The following USPL1 variants were observed in gnomAD, a reference collection of about 807,000 sequenced individuals.
USPL1 encodes the protein ubiquitin specific peptidase like 1.
Under a neutral mutation model 51.5 loss-of-function variants are expected in USPL1, and 27 were observed. The ratio of observed to expected loss-of-function variants is 0.52; its 90% CI spans 0.39 to 0.72. The LOEUF (loss-of-function observed/expected upper bound fraction) is 0.72, where lower values mean the gene tolerates loss of function less well. USPL1 is among the 30% of genes least tolerant of loss of function. The pLI, the probability that USPL1 is intolerant of heterozygous loss-of-function variation, is 0.00. For synonymous variants in USPL1, 451 were observed against 459.6 expected, an observed-to-expected ratio of 0.98 and a Z score of 0.24; for missense variants, 1,226 against 1,268.0, an observed-to-expected ratio of 0.97 and a Z score of 0.50.
intron 8 of USPL1, among the ~76,000 whole-genome samples, chr13:30,653,736 ATAAT>A (rs1244730710): frequency 1.3e-5 from 2 of 152,238 alleles, no homozygotes; most frequent in African/African-American, 2.4e-5. Flanking sequence ...CTTTATTTAA[ATAAT>A]TAAACTTCTT....
At chr13:30,635,008 T>C (rs1163399831) in intron 4 of USPL1, among the ~76,000 whole-genome samples, 3 of 152,200 alleles carry the variant, frequency 2.0e-5, no homozygotes, top group African/African-American at 7.2e-5. Context: ...TTGTATCTTA[T>C]CCCTATTTGT....
chr13:30,621,817 G>A lies in USPL1; in HGVS notation c.153G>A (p.Glu51=). 6.3e-7 allele frequency: 1 copy of A among 1,588,736 alleles called. No homozygotes were observed. The highest frequency in any genetic ancestry group is 1.7e-4 in the Middle Eastern group (1 of 5,854). Residue 51 remains glutamate, a synonymous_variant, in exon 3 of 9, where the codon GAG becomes GAA. Coordinates refer to ENST00000255304, the MANE Select transcript of USPL1 (RefSeq NM_005800.5). ...ATGAGTATTGCCCTGCTTGTAGAGA[G>A]AAGGGAAAGTTAAAAGCCTTAAAGA... ...PSDEYCPACR[E]KGKLKALKTY...
In USPL1 at chr13:30,633,397, G is replaced by A. The variant is rs553914759; in HGVS notation, c.868+1923G>A. ...TGGAAGGTATCCCTCTCAGATAATG[G>A]GGGATGGATGGTACTGAACCCTGTA... On this transcript the variant is annotated intron_variant, in intron 4 of 8. Coordinates refer to ENST00000255304, the MANE Select transcript of USPL1 (RefSeq NM_005800.5). Among the ~76,000 whole-genome samples the A allele has an allele frequency of 5.9e-5, 9 of 152,180 alleles. No homozygotes were observed. In the South Asian group the frequency reaches 1.2e-3, roughly 21 times the overall value.
chr13:30,632,175 C>G (rs547841568), intron 4 of USPL1, among the ~76,000 whole-genome samples: 1 of 151,968 alleles, frequency 6.6e-6, no homozygotes, highest in East Asian at 1.9e-4. Flanking sequence ...TCCATGTGTT[C>G]TCATTGTTCA....
At chr13:30,623,767 G>A (rs936050509) in intron 3 of USPL1, among the ~76,000 whole-genome samples, 2 of 152,172 alleles carry the variant, frequency 1.3e-5, no homozygotes, top group Non-Finnish European at 2.9e-5. Context: ...AAGGAGTGGA[G>A]GGGCTGGAGA....
Position 30,659,362 on chromosome 13 carries a change from T to G in USPL1, c.*6T>G. ...ATCTGTTTGAGAATTATTGAATTAA[T>G]GCTTGTTAACTTTTTTCATATAATA... On this transcript the variant is annotated 3_prime_UTR_variant, in exon 9 of 9. Transcript: ENST00000255304. The G allele has an allele frequency of 6.4e-7, 1 of 1,562,042 alleles. No homozygotes were observed. Among genetic ancestry groups the G allele is most frequent in the Non-Finnish European group, 8.6e-7 (1 of 1,158,320 alleles).
chr13:30,621,826 G>A lies in USPL1; in HGVS notation c.162G>A (p.Lys54=). ...GCCCTGCTTGTAGAGAGAAGGGAAA[G>A]TTAAAAGCCTTAAAGACTTACCGAA... ...EYCPACREKG[K]LKALKTYRIS... Residue 54 remains lysine, a synonymous_variant, in exon 3 of 9, where the codon AAG becomes AAA. Coordinates refer to ENST00000255304, the MANE Select transcript of USPL1 (RefSeq NM_005800.5). 1.3e-6 allele frequency: 2 copies of A among 1,588,910 alleles called. No homozygotes were observed. The highest frequency in any genetic ancestry group is 1.4e-5 in the African/African-American group (1 of 73,580).
At position 30,659,946 on chromosome 13, in the gene USPL1, CCT is replaced by C. The variant is rs1034167087; in HGVS notation, c.*594_*595del. On this transcript the variant is annotated 3_prime_UTR_variant, in exon 9 of 9. Coordinates refer to ENST00000255304, the MANE Select transcript of USPL1 (RefSeq NM_005800.5). ...AGAAAAGGCCCTGGAGAGGGTGACT[CCT>C]CTCAGCTCTCAGCAGAGAAGCAGCC... 1.3e-5 allele frequency: 2 copies of C among 152,342 alleles called. No homozygotes were observed. The highest frequency in any genetic ancestry group is 2.9e-5 in the Non-Finnish European group (2 of 68,236). The allele number at this position is 152,342 out of a possible 1,614,324, so 9.4% of individuals were successfully genotyped here.
chr13:30,642,629 T>G lies in USPL1; in HGVS notation c.984T>G (p.Gly328=). 2 of 1,604,928 alleles carry G rather than the reference T, an allele frequency of 1.2e-6. No homozygotes were observed. Among genetic ancestry groups the G allele is most frequent in the Non-Finnish European group, 1.7e-6 (2 of 1,177,530 alleles). Residue 328 remains glycine (G), a splice_region_variant and synonymous_variant, in exon 6 of 9, where the codon GGT becomes GGG. Transcript: ENST00000255304. ...SLQPQLRCTL[G]DMESPVFAFP... is the part of the protein sequence containing the mutation. ...TAATTCTTCCTTTTCTTTTTGAAGG[T>G]GATATGGAAAGCCCTGTGTTTGCAT...
At position 30,629,242 on chromosome 13, in the gene USPL1, A is replaced by G. The variant is rs79588140; in HGVS notation, c.229-1593A>G. Among the ~76,000 whole-genome samples the G allele has an allele frequency of 9.7e-3, 1,474 of 152,282 alleles. 26 individuals carry two copies. The highest frequency in any genetic ancestry group is 0.034 in the African/African-American group (1,412 of 41,554). The stretch of plus-strand genomic sequence containing the variant: ...ATGGTGGCTGGGCATGGTGGCTCAC[A>G]TCTGGAACTCCAGCACTTTGGGAGG... On this transcript the variant is annotated intron_variant, in intron 3 of 8. Coordinates refer to ENST00000255304, the MANE Select transcript of USPL1 (RefSeq NM_005800.5).
chr13:30,655,130 T>C (rs1015872209), intron 8 of USPL1, among the ~76,000 whole-genome samples: 5 of 152,024 alleles, frequency 3.3e-5, no homozygotes, highest in African/African-American at 1.2e-4. Flanking sequence ...AGAGACAGGG[T>C]TTCTCCATGT....
chr13:30,646,602 G>A lies in USPL1; in HGVS notation c.1113-330G>A, dbSNP rs541727837. Among the ~76,000 whole-genome samples the A allele has an allele frequency of 8.0e-4, 122 of 152,352 alleles. 1 individual carries two copies. The highest frequency in any genetic ancestry group is 2.8e-3 in the African/African-American group (115 of 41,574). On this transcript the variant is annotated intron_variant, in intron 6 of 8. Transcript: ENST00000255304. ...GATGCCGTTACTGGCATCTGGTGAG[G>A]AGAGGCCAGGGATGATGCTTAACAT... is the stretch of plus-strand genomic sequence containing the variant.
At chr13:30,620,690 A>C (rs1950635183) in intron 1 of USPL1, among the ~76,000 whole-genome samples, 3 of 152,152 alleles carry the variant, frequency 2.0e-5, no homozygotes, top group Non-Finnish European at 2.9e-5. Context: ...GGCACAATGG[A>C]TCTGGGGTTT....
At chr13:30,648,068 C>T (rs573641735) in intron 7 of USPL1, among the ~76,000 whole-genome samples, 2 of 152,304 alleles carry the variant, frequency 1.3e-5, no homozygotes, top group South Asian at 2.1e-4. Flanking sequence ...CTCTGTTTAG[C>T]CTTTCCCTGT....
At chr13:30,618,503 G>A (rs1266822548) in intron 1 of USPL1, among the ~76,000 whole-genome samples, 2 of 152,104 alleles carry the variant, frequency 1.3e-5, no homozygotes, top group African/African-American at 4.8e-5. Flanking sequence ...CTCGCTCTCG[G>A]AGGGCGAGCT....
intron 8 of USPL1, among the ~76,000 whole-genome samples, chr13:30,657,217 A>G (rs1951175698): frequency 6.6e-6 from 1 of 152,232 alleles, no homozygotes; most frequent in Non-Finnish European, 1.5e-5. Flanking sequence ...TCATGAAAAC[A>G]TATATGTATG....
In USPL1 at chr13:30,648,963, ACCTGCTTT is replaced by A. The variant is rs367850720; in HGVS notation, c.1238+1907_1238+1914del. On this transcript the variant is annotated intron_variant, in intron 7 of 8. Coordinates refer to ENST00000255304, the MANE Select transcript of USPL1 (RefSeq NM_005800.5). The stretch of plus-strand genomic sequence containing the variant: ...TATATGATTTCATCTAGCTGTTCAT[ACCTGCTTT>A]TTCCTGTGCCCCAGCACTGAACATA... Among the ~76,000 whole-genome samples the A allele has an allele frequency of 1.7e-4, 26 of 152,286 alleles. No individual in the cohort carries two copies. The East Asian group carries it at 4.6e-3, about 27-fold the overall frequency.
At chr13:30,642,364 A>AT (rs1225836453) in intron 5 of USPL1, among the ~76,000 whole-genome samples, 2 of 151,488 alleles carry the variant, frequency 1.3e-5, no homozygotes, top group African/African-American at 2.4e-5. Flanking sequence ...TCTTTTGTGG[A>AT]TTTTTTGTCC....
chr13:30,642,815 A>G, intron 6 of USPL1, 58 bp downstream of exon 6: 1 of 1,572,756 alleles, frequency 6.4e-7, no homozygotes, highest in East Asian at 2.3e-5. Context: ...ACTAAGGTTA[A>G]GAGAACAATT....
Sources: gnomAD v4.1 joint callset for allele counts (sites outside exome capture counted in the v4.1 genomes callset) on GRCh38, gnomAD v4.1.1 for gene constraint, MANE v1.5 for transcripts, NCBI Gene and HGNC (gene_info 2026-07-23, HGNC 2026-07-21) for gene names.